The following MYH16 variants were observed in gnomAD, a reference collection of about 807,000 sequenced individuals.
The protein encoded by MYH16 is myosin heavy chain 16.
chr7:99,283,473 C>G (rs1400100249), intron 23 of MYH16, 92 bp from the exon 6 acceptor site: 5 of 432,544 alleles, frequency 1.2e-5, no homozygotes, highest in African/African-American at 1.0e-4. Context: ...AGCCTGGGAG[C>G]TGCATAGCTC....
chr7:99,278,716 T>C (rs1319834797), intron 21 of MYH16, among the ~76,000 whole-genome samples: 2 of 152,218 alleles, frequency 1.3e-5, no homozygotes, highest in African/African-American at 4.8e-5. Flanking sequence ...CAGTCCTCCC[T>C]GCTCTGCCAC....
chr7:99,275,746 T>C (rs1346447888), intron 20 of MYH16, among the ~76,000 whole-genome samples: 1 of 152,058 alleles, frequency 6.6e-6, no homozygotes, highest in Admixed American at 6.5e-5. Flanking sequence ...GTTTTTCTTG[T>C]TGTTGAGACA....
intron 33 of MYH16, among the ~76,000 whole-genome samples, chr7:99,296,010 C>T (rs781178945): frequency 2.0e-5 from 3 of 151,196 alleles, no homozygotes; most frequent in East Asian, 1.9e-4. Context: ...GACGTGGTGG[C>T]GCACGCCTGT....
At chr7:99,266,615 T>C (rs1791989677) in intron 17 of MYH16, among the ~76,000 whole-genome samples, 1 of 152,196 alleles carries the variant, frequency 6.6e-6, no homozygotes, top group African/African-American at 2.4e-5. Context: ...GGTGTCTTCA[T>C]TTCTAGAAAC....
intron 21 of MYH16, among the ~76,000 whole-genome samples, chr7:99,278,221 G>A (rs1054797974): frequency 6.6e-6 from 1 of 152,138 alleles, no homozygotes; most frequent in Non-Finnish European, 1.5e-5. Context: ...GGGATTACAG[G>A]TGTAAGCCCC....
intron 1 of MYH16, among the ~76,000 whole-genome samples, chr7:99,241,539 C>T (rs1283781923): frequency 1.3e-5 from 2 of 152,074 alleles, no homozygotes; most frequent in African/African-American, 2.4e-5. Context: ...GTTGAGATCA[C>T]GCCACTGCAC....
intron 18 of MYH16, among the ~76,000 whole-genome samples, chr7:99,270,478 C>T (rs1035993245): frequency 3.3e-5 from 5 of 151,818 alleles, no homozygotes; most frequent in Admixed American, 6.6e-5. Context: ...CCCGCCACCA[C>T]GCCCGGCTTT....
At chr7:99,260,389 C>T in intron 12 of MYH16, 1 of 749,668 alleles carries the variant, frequency 1.3e-6, no homozygotes, top group Non-Finnish European at 2.2e-6. Context: ...AGGGATGTCA[C>T]TGGCACATGC....
chr7:99,304,884 T>G (rs1469636033), intron 40 of MYH16, 128 bp downstream of exon 21: 1 of 152,224 alleles, frequency 6.6e-6, no homozygotes, highest in Non-Finnish European at 1.5e-5. Flanking sequence ...GTTATGCAAC[T>G]GTTAAGAAGA....
rs1288644177 is a variant in MYH16 at position 99,293,209 on chromosome 7, G to A, written n.4149+701G>A. Among the ~76,000 whole-genome samples the A allele has an allele frequency of 3.9e-5, 6 of 152,208 alleles. No individual in the cohort carries two copies. The South Asian group carries it at 1.2e-3, about 32-fold the overall frequency. ...ACTTTTCTGGATTCTCTGAAAAAATGGCCAAATTTTTTCTTGTATAAAGCC... is the reference window on the plus strand; with the variant it reads ...ACTTTTCTGGATTCTCTGAAAAAATAGCCAAATTTTTTCTTGTATAAAGCC... On this transcript the variant is annotated intron_variant and non_coding_transcript_variant, in intron 32 of 41. Transcript: ENST00000439784.
At chr7:99,308,439 A>C (rs1350988699), downstream of MYH16, among the ~76,000 whole-genome samples, 1 of 152,046 alleles carries the variant, frequency 6.6e-6, no homozygotes, top group African/African-American at 2.4e-5. Flanking sequence ...GATGGGGCTC[A>C]GCTCTGCCTT....
At chr7:99,251,494 A>G (rs1791808592) in intron 6 of MYH16, among the ~76,000 whole-genome samples, 1 of 152,244 alleles carries the variant, frequency 6.6e-6, no homozygotes. Flanking sequence ...ATTTTGTATC[A>G]AAAGATCAAT....
chr7:99,279,817 A>G (rs924678507), intron 22 of MYH16, 80 bp downstream of exon 4: 2 of 394,720 alleles, frequency 5.1e-6, no homozygotes, highest in African/African-American at 4.2e-5. Flanking sequence ...TGGTGGCTAC[A>G]CCCAGTGCCC....
rs561000778 is a variant in MYH16, at chr7:99,284,128, G to C, written n.3225+110G>C. ...TATGGAGAGCCTCACAAACATTCCT[G>C]CATGTCCCAAGCACCTGGCAGGCAT... On this transcript the variant is annotated intron_variant and non_coding_transcript_variant, in intron 25 of 41. Coordinates refer to ENST00000439784, the Ensembl canonical transcript of MYH16. 33 of 364,886 alleles carry C rather than the reference G, an allele frequency of 9.0e-5. No homozygotes were observed. In the Admixed American group the frequency reaches 1.1e-3, roughly 12 times the overall value. 22.6% of individuals were successfully genotyped at this position (364,886 alleles called of 1,614,324 possible).
At chr7:99,266,629 T>C (rs1357204546) in intron 17 of MYH16, among the ~76,000 whole-genome samples, 1 of 152,126 alleles carries the variant, frequency 6.6e-6, no homozygotes, top group African/African-American at 2.4e-5. Context: ...TAGAAACAGC[T>C]CCTCCCTGTA....
chr7:99,307,084 C>T (rs750546283), downstream of MYH16, among the ~76,000 whole-genome samples: 31 of 152,256 alleles, frequency 2.0e-4, no homozygotes, highest in East Asian at 7.7e-4. Flanking sequence ...AGGTGCTGGC[C>T]GACCTGATGT....
At chr7:99,287,794 T>G in intron 28 of MYH16, 98 bp from the exon 10 acceptor site, 2 of 387,316 alleles carry the variant, frequency 5.2e-6, no homozygotes, top group Non-Finnish European at 1.0e-5. Context: ...TTTAGCGAGG[T>G]ACAGGAATAT....
At chr7:99,297,438 T>A (rs1792517510) in intron 34 of MYH16, among the ~76,000 whole-genome samples, 1 of 151,992 alleles carries the variant, frequency 6.6e-6, no homozygotes, top group Non-Finnish European at 1.5e-5. Context: ...GTCCCAAAAA[T>A]AAATTAATTA....
At chr7:99,287,984 A>G (rs1792307225) in exon 29 of MYH16, 2 of 456,666 alleles carry the variant, frequency 4.4e-6, no homozygotes, top group African/African-American at 2.0e-5. Context: ...CGGCCTCCAC[A>G]CTGCGCAAGA....
Sources: gnomAD v4.1 joint callset for allele counts (sites outside exome capture counted in the v4.1 genomes callset) on GRCh38, gnomAD v4.1.1 for gene constraint, MANE v1.5 for transcripts, NCBI Gene and HGNC (gene_info 2026-07-23, HGNC 2026-07-21) for gene names.